Variants in HSD17B2 observed in about 807,000 individuals in gnomAD.
HSD17B2 encodes the protein hydroxysteroid 17-beta dehydrogenase 2, also known as 17-beta-hydroxysteroid dehydrogenase type 2.
In HSD17B2, 32 loss-of-function variants were observed where a neutral mutation model predicts 26.9. That is an observed-to-expected ratio of 1.19 (90% confidence interval 0.90 to 1.60). The LOEUF (loss-of-function observed/expected upper bound fraction) is 1.60. Ranked by LOEUF, HSD17B2 falls within the 40% of genes most tolerant of loss-of-function variation. HSD17B2 has a pLI of 0.00. For missense variants in HSD17B2, 613 were observed against 468.6 expected (o/e 1.31, Z -2.85); for synonymous variants, 246 against 186.7 (o/e 1.32, Z -2.59).
At chr16:82,053,702 C>G (rs1914177558) in intron 1 of HSD17B2, among the ~76,000 whole-genome samples, 1 of 152,126 alleles carries the variant, frequency 6.6e-6, no homozygotes, top group Non-Finnish European at 1.5e-5. Flanking sequence ...TGGCTGACCT[C>G]TAAAGATGTT....
chr16:82,048,094 A>C (rs8191080), intron 1 of HSD17B2, among the ~76,000 whole-genome samples: 15,704 of 152,212 alleles, frequency 0.1, 2,696 homozygotes, highest in African/African-American at 0.35. Context: ...AGGCTAAAAT[A>C]CAAGAAACAG....
intron 1 of HSD17B2, among the ~76,000 whole-genome samples, chr16:82,036,917 T>C (rs1221801039): frequency 1.3e-5 from 2 of 152,206 alleles, no homozygotes; most frequent in Admixed American, 6.5e-5. Context: ...TTCTGTGTCC[T>C]GTTCTGTTAT....
chr16:82,081,532 C>G (rs1452429871), intron 3 of HSD17B2, among the ~76,000 whole-genome samples: 1 of 152,178 alleles, frequency 6.6e-6, no homozygotes, highest in East Asian at 1.9e-4. Context: ...ACCCGAGGTC[C>G]TATAGCCTCT....
At chr16:82,053,434 TTTA>T (rs1288958848) in intron 1 of HSD17B2, among the ~76,000 whole-genome samples, 40 of 152,018 alleles carry the variant, frequency 2.6e-4, no homozygotes, top group Admixed American at 2.0e-3. Context: ...TTTTTATTTA[TTTA>T]TTATTATTTA....
intron 3 of HSD17B2, among the ~76,000 whole-genome samples, chr16:82,088,744 G>A (rs1269807776): frequency 1.3e-5 from 2 of 152,160 alleles, no homozygotes; most frequent in Non-Finnish European, 2.9e-5. Context: ...AAAATCCGCT[G>A]GCCATCTGTG....
At chr16:82,067,518 C>T (rs1407029102) in intron 1 of HSD17B2, among the ~76,000 whole-genome samples, 1 of 152,208 alleles carries the variant, frequency 6.6e-6, no homozygotes, top group African/African-American at 2.4e-5. Flanking sequence ...TTACATTAGT[C>T]TCTGTTTTCA....
At chr16:82,088,761 T>C (rs1904599690) in intron 3 of HSD17B2, among the ~76,000 whole-genome samples, 1 of 152,132 alleles carries the variant, frequency 6.6e-6, no homozygotes, top group Admixed American at 6.5e-5. Flanking sequence ...TGTGGCAAGA[T>C]TAACCAGTTT....
intron 3 of HSD17B2, among the ~76,000 whole-genome samples, chr16:82,087,418 C>G (rs1421406868): frequency 6.6e-6 from 1 of 152,102 alleles, no homozygotes; most frequent in Non-Finnish European, 1.5e-5. Flanking sequence ...ACTTTGGACA[C>G]CTATATTTAT....
chr16:82,054,593 C>T (rs922347092), intron 1 of HSD17B2, among the ~76,000 whole-genome samples: 18 of 152,192 alleles, frequency 1.2e-4, no homozygotes, highest in African/African-American at 4.3e-4. Flanking sequence ...TATCCACCTG[C>T]CCCAGCCTCC....
intron 3 of HSD17B2, among the ~76,000 whole-genome samples, chr16:82,074,683 A>G (rs1209476418): frequency 6.6e-6 from 1 of 152,200 alleles, no homozygotes; most frequent in African/African-American, 2.4e-5. Flanking sequence ...CCAACACCAG[A>G]GCACCCAGAT....
At chr16:82,068,515 C>G in intron 2 of HSD17B2, 133 bp downstream of exon 2, 2 of 708,898 alleles carry the variant, frequency 2.8e-6, no homozygotes, top group South Asian at 1.8e-5. Flanking sequence ...TGCTGAACCC[C>G]TACCATGTGT....
At chr16:82,051,369 T>C (rs1004040438) in intron 1 of HSD17B2, among the ~76,000 whole-genome samples, 19 of 152,176 alleles carry the variant, frequency 1.2e-4, no homozygotes, top group Non-Finnish European at 1.8e-4. Flanking sequence ...TATCTAGCAG[T>C]GCAAAAAGAC....
intron 1 of HSD17B2, chr16:82,063,296 C>T (rs117248968): frequency 6.6e-6 from 1 of 152,230 alleles, no homozygotes; most frequent in Non-Finnish European, 1.5e-5. Flanking sequence ...TTTAAAAAGA[C>T]TGATGTAGTA....
chr16:82,068,821 C>T (rs971079531), intron 2 of HSD17B2, among the ~76,000 whole-genome samples: 2 of 152,216 alleles, frequency 1.3e-5, no homozygotes, highest in Non-Finnish European at 2.9e-5. Flanking sequence ...TTCTCTTCCT[C>T]ACCTTCAATT....
intron 1 of HSD17B2, chr16:82,052,596 G>C (rs1224686194): frequency 6.6e-6 from 1 of 152,224 alleles, no homozygotes; most frequent in Non-Finnish European, 1.5e-5. Flanking sequence ...CCTTGAACTA[G>C]CTTTTCCTAG....
At chr16:82,041,805 A>G (rs980818981) in intron 1 of HSD17B2, among the ~76,000 whole-genome samples, 2 of 152,140 alleles carry the variant, frequency 1.3e-5, no homozygotes, top group African/African-American at 4.8e-5. Context: ...CCAGCAGCAA[A>G]GTCATACCTG....
intron 1 of HSD17B2, among the ~76,000 whole-genome samples, chr16:82,038,903 T>G (rs1390706746): frequency 6.6e-6 from 1 of 152,076 alleles, no homozygotes; most frequent in Admixed American, 6.5e-5. Flanking sequence ...ACTAGAGAGC[T>G]GTAGTCTTTA....
chr16:82,087,063 C>G lies in HSD17B2; in HGVS notation c.665-3839C>G, dbSNP rs1288791213. ...TTAGAGTCCTCATTTCCAAATACAG[C>G]TATCTTGAGGATTAGGGCTTTGAGA... On this transcript the variant is annotated intron_variant, in intron 3 of 4. Transcript: ENST00000199936. Among the ~76,000 whole-genome samples, 13 of 152,290 alleles carry G rather than the reference C, an allele frequency of 8.5e-5. No homozygotes were observed. In the East Asian group the frequency reaches 2.3e-3, roughly 27 times the overall value.
chr16:82,045,262 G>C (rs1300535399), intron 1 of HSD17B2, among the ~76,000 whole-genome samples: 1 of 152,116 alleles, frequency 6.6e-6, no homozygotes, highest in Non-Finnish European at 1.5e-5. Context: ...AATGGGGTCA[G>C]CACTGGGCTG....
Sources: allele counts gnomAD v4.1 joint callset (sites outside exome capture counted in the v4.1 genomes callset), GRCh38; gene constraint gnomAD v4.1.1; transcripts MANE v1.5; gene names NCBI Gene and HGNC (gene_info 2026-07-23, HGNC 2026-07-21).